DCBLD2: variants seen among roughly 807,000 people sequenced by gnomAD.
DCBLD2 encodes discoidin, CUB and LCCL domain-containing protein 2.
DCBLD2 carries 54 observed loss-of-function variants against 86.8 expected under a neutral mutation model. The observed-to-expected ratio is 0.62, with a 90% confidence interval of 0.50 to 0.78. DCBLD2 has a LOEUF of 0.78. Ranked by LOEUF, DCBLD2 falls within the 30% of genes least tolerant of loss-of-function variation. The pLI is 0.00. For synonymous variants in DCBLD2, 354 were observed against 341.3 expected, an observed-to-expected ratio of 1.04 and a Z score of -0.41; for missense variants, 908 against 954.2, an observed-to-expected ratio of 0.95 and a Z score of 0.64.
At chr3:98,836,745 C>G (rs1942465606) in intron 3 of DCBLD2, among the ~76,000 whole-genome samples, 1 of 81,066 alleles carries the variant, frequency 1.2e-5, no homozygotes, top group Non-Finnish European at 2.9e-5. Flanking sequence ...CATCTCCCTC[C>G]CGGACGGGGT....
intron 2 of DCBLD2, among the ~76,000 whole-genome samples, chr3:98,852,249 CTT>C (rs35325243): frequency 0.79 from 115,847 of 147,326 alleles, 45,478 homozygotes; most frequent in East Asian, 0.9. Flanking sequence ...TAGGATATTT[CTT>C]TTTTTTTTTT....
At chr3:98,876,300 T>C (rs563730165) in intron 2 of DCBLD2, among the ~76,000 whole-genome samples, 120 of 151,294 alleles carry the variant, frequency 7.9e-4, no homozygotes, top group Middle Eastern at 6.8e-3. Flanking sequence ...GGTGAGATGA[T>C]TGCTTGAGCC....
chr3:98,883,390 T>C (rs1943506593), intron 1 of DCBLD2, among the ~76,000 whole-genome samples: 1 of 152,214 alleles, frequency 6.6e-6, no homozygotes. Context: ...CACCTTATTT[T>C]TTCCCTATAG....
At position 98,861,594 on chromosome 3, in the gene DCBLD2, G is replaced by A. The variant is rs192482332; in HGVS notation, c.434-11996C>T. Among the ~76,000 whole-genome samples, 555 of 152,156 alleles carry A rather than the reference G, an allele frequency of 3.6e-3. 4 individuals carry two copies. Among genetic ancestry groups the A allele is most frequent in the African/African-American group, 0.013 (524 of 41,506 alleles). On this transcript the variant is annotated intron_variant, in intron 2 of 15. Coordinates refer to ENST00000326840, the MANE Select transcript of DCBLD2 (RefSeq NM_080927.4). The stretch of plus-strand genomic sequence containing the variant: ...AACTCACTCAAAACCGCTCAACAAC[G>A]TGGAAACTGAACAACCTGCTCCTGA...
intron 3 of DCBLD2, among the ~76,000 whole-genome samples, chr3:98,830,867 G>A (rs1391250726): frequency 6.6e-6 from 1 of 152,142 alleles, no homozygotes; most frequent in African/African-American, 2.4e-5. Flanking sequence ...TCCAATTCAT[G>A]AGCATGGCAT....
rs567298793 is a variant in DCBLD2 at position 98,880,811 on chromosome 3, TGA to T, written c.433+727_433+728del. On this transcript the variant is annotated intron_variant, in intron 2 of 15. Transcript: ENST00000326840. ...TGGCCAAAGTCACACAGCAAGCTGA[TGA>T]GAGTTATGCTTTAATCCCAGGAAGT... 7.9e-5 allele frequency among the ~76,000 whole-genome samples: 12 copies of T among 152,322 alleles called. No individual in the cohort carries two copies. The South Asian group carries it at 2.5e-3, about 32-fold the overall frequency.
At chr3:98,881,081 C>T (rs1006833016) in intron 2 of DCBLD2, among the ~76,000 whole-genome samples, 4 of 151,426 alleles carry the variant, frequency 2.6e-5, no homozygotes, top group Non-Finnish European at 5.9e-5. Flanking sequence ...ATGGTGAAAC[C>T]GTCTCTACTA....
At position 98,883,782 on chromosome 3, in the gene DCBLD2, A is replaced by T. The variant is rs191783857; in HGVS notation, c.206-2015T>A. ...ACAGTACAGCACTTACACAAAAACT[A>T]TATTAAAAGTGACACTGCTGAGTTC... On this transcript the variant is annotated intron_variant, in intron 1 of 15. Transcript: ENST00000326840. Among the ~76,000 whole-genome samples the T allele has an allele frequency of 9.1e-4, 139 of 152,292 alleles. 1 individual carries two copies. Among genetic ancestry groups the T allele is most frequent in the Non-Finnish European group, 1.5e-3 (104 of 68,002 alleles).
At chr3:98,859,773 A>G (rs1943004843) in intron 2 of DCBLD2, among the ~76,000 whole-genome samples, 1 of 152,208 alleles carries the variant, frequency 6.6e-6, no homozygotes. Context: ...AAAGATGGGG[A>G]AAAAACAGAG....
intron 1 of DCBLD2, among the ~76,000 whole-genome samples, chr3:98,882,416 G>A (rs1943486313): frequency 1.3e-5 from 2 of 151,996 alleles, no homozygotes; most frequent in Non-Finnish European, 2.9e-5. Flanking sequence ...CTGAATGGAA[G>A]CTCTTTTTTT....
At chr3:98,843,066 A>G (rs559849155) in intron 3 of DCBLD2, among the ~76,000 whole-genome samples, 7 of 152,350 alleles carry the variant, frequency 4.6e-5, no homozygotes, top group African/African-American at 1.4e-4. Flanking sequence ...TTGCCTCTTC[A>G]GGTTAACACC....
chr3:98,848,494 G>A (rs1194651415), intron 3 of DCBLD2, among the ~76,000 whole-genome samples: 1 of 152,160 alleles, frequency 6.6e-6, no homozygotes, highest in Non-Finnish European at 1.5e-5. Context: ...CCAGTAATAG[G>A]ATTGCTGGGT....
At chr3:98,836,052 C>CTG (rs540771780) in intron 3 of DCBLD2, among the ~76,000 whole-genome samples, 6 of 116,988 alleles carry the variant, frequency 5.1e-5, no homozygotes, top group East Asian at 2.1e-4. Context: ...ATCAGTCCTC[C>CTG]TGTGTGTGTG....
intron 3 of DCBLD2, among the ~76,000 whole-genome samples, chr3:98,844,229 T>C (rs1328205899): frequency 6.6e-6 from 1 of 152,184 alleles, no homozygotes; most frequent in Non-Finnish European, 1.5e-5. Context: ...CTGGTCATTG[T>C]TGAACAGATT....
At chr3:98,863,518 T>C (rs1179419777) in intron 2 of DCBLD2, among the ~76,000 whole-genome samples, 2 of 152,240 alleles carry the variant, frequency 1.3e-5, no homozygotes, top group African/African-American at 4.8e-5. Context: ...AACAGAGATA[T>C]AGACCAATGG....
chr3:98,857,622 C>G (rs868376302), intron 2 of DCBLD2, among the ~76,000 whole-genome samples: 4 of 152,164 alleles, frequency 2.6e-5, no homozygotes, highest in African/African-American at 9.7e-5. Context: ...CTGAGCTAGA[C>G]GCAGGGTGCT....
intron 2 of DCBLD2, among the ~76,000 whole-genome samples, chr3:98,863,322 C>T (rs1238920519): frequency 6.6e-6 from 1 of 152,170 alleles, no homozygotes; most frequent in East Asian, 1.9e-4. Flanking sequence ...CCATCCCCAT[C>T]AAGCTACCAA....
intron 3 of DCBLD2, among the ~76,000 whole-genome samples, chr3:98,842,126 A>C (rs1942632882): frequency 6.6e-6 from 1 of 152,208 alleles, no homozygotes; most frequent in Non-Finnish European, 1.5e-5. Context: ...AAATAAGAAA[A>C]TATAGGCCGA....
At position 98,810,349 on chromosome 3, in the gene DCBLD2, G is replaced by C. The variant is rs1055163341; in HGVS notation, c.1576+845C>G. Among the ~76,000 whole-genome samples the C allele has an allele frequency of 3.3e-5, 5 of 152,332 alleles. No homozygotes were observed. The East Asian group carries it at 7.7e-4, about 23-fold the overall frequency. ...AATTCATCTTTGTGAAAATACTTCA[G>C]AAGATGGGAAAGAACCAACATGGGG... On this transcript the variant is annotated intron_variant, in intron 12 of 15. Transcript: ENST00000326840.
Sources: gnomAD v4.1 joint callset for allele counts (sites outside exome capture counted in the v4.1 genomes callset) on GRCh38, gnomAD v4.1.1 for gene constraint, MANE v1.5 for transcripts, NCBI Gene and HGNC (gene_info 2026-07-23, HGNC 2026-07-21) for gene names.